Variants in SDK2 observed in about 807,000 individuals in gnomAD.
SDK2 encodes the protein protein sidekick-2.
Under a neutral mutation model 253.9 loss-of-function variants are expected in SDK2, and 105 were observed. The ratio of observed to expected loss-of-function variants is 0.41; its 90% CI spans 0.35 to 0.49. The LOEUF (loss-of-function observed/expected upper bound fraction) is 0.49, where lower values mean the gene tolerates loss of function less well. Ranked by LOEUF, SDK2 falls within the 20% of genes least tolerant of loss-of-function variation. The pLI is 0.06. For synonymous variants in SDK2, 1,249 were observed against 1,234.9 expected (o/e 1.01, Z -0.24); for missense variants, 2,608 against 3,003.0 (o/e 0.87, Z 3.07).
Position 73,372,112 on chromosome 17 carries a change from G to A in SDK2, c.4981-3519C>T, listed in dbSNP as rs188220890. Among the ~76,000 whole-genome samples the A allele has an allele frequency of 4.7e-3, 710 of 152,310 alleles. 23 individuals are homozygous for A. The South Asian group carries it at 0.089, about 19-fold the overall frequency. ...CATGCTCTTGGGTGAGGAGTGGGTC[G>A]GGGCCTAGAACCCAGGGACAGCTGT... On this transcript the variant is annotated intron_variant, in intron 36 of 44. Transcript: ENST00000392650.
At chr17:73,513,979 CG>C (rs2064002078) in intron 1 of SDK2, among the ~76,000 whole-genome samples, 1 of 152,062 alleles carries the variant, frequency 6.6e-6, no homozygotes, top group South Asian at 2.1e-4. Flanking sequence ...TCTGGGTGCC[CG>C]GGGACTTGGG....
intron 1 of SDK2, among the ~76,000 whole-genome samples, chr17:73,622,573 A>C (rs1341262534): frequency 6.6e-6 from 1 of 152,206 alleles, no homozygotes; most frequent in Non-Finnish European, 1.5e-5. Flanking sequence ...TGGCTGGTGC[A>C]GAGGTGGAAA....
chr17:73,385,552 C>G (rs1056062654), intron 32 of SDK2, among the ~76,000 whole-genome samples: 1 of 152,152 alleles, frequency 6.6e-6, no homozygotes, highest in Admixed American at 6.5e-5. Context: ...TGGGGCCATT[C>G]GGGTCCCCTC....
In SDK2 at chr17:73,397,984, T is replaced by C. The variant is rs374187616; in HGVS notation, c.3354+51A>G. ...CTGATGTGCACCTTCTAGGAGGCAATGACCAGAAGCTCATGGAGAGGTCCC... is the reference window on the plus strand; with the variant it reads ...CTGATGTGCACCTTCTAGGAGGCAACGACCAGAAGCTCATGGAGAGGTCCC... On this transcript the variant is annotated intron_variant, in intron 24 of 44. Coordinates refer to ENST00000392650, the MANE Select transcript of SDK2 (RefSeq NM_001144952.2). 13 of 1,593,276 alleles carry C rather than the reference T, an allele frequency of 8.2e-6. No homozygotes were observed. In the East Asian group the frequency reaches 2.5e-4, roughly 30 times the overall value.
At chr17:73,350,109 G>T in intron 43 of SDK2, 128 bp downstream of exon 43, 3 of 583,320 alleles carry the variant, frequency 5.1e-6, no homozygotes, top group South Asian at 6.9e-5. Context: ...CAGCCCTGGG[G>T]CTTGAATGGT....
In SDK2 at chr17:73,361,974, G is replaced by T; in HGVS notation, c.5306-129C>A. The T allele has an allele frequency of 1.2e-6, 1 of 811,364 alleles. No homozygotes were observed. Among genetic ancestry groups the T allele is most frequent in the Non-Finnish European group, 1.9e-6 (1 of 530,750 alleles). The allele number at this position is 811,364 out of a possible 1,614,324, so 50.3% of individuals were successfully genotyped here. A position where few individuals can be genotyped will look rare whatever the true frequency, so the allele number is the denominator to read the frequency against. ...GTAGGGGCCTCACTCCTTGAGGTCAGGCTGAAATGCACCCCCAGCCCACAC... is the reference window on the plus strand; with the variant it reads ...GTAGGGGCCTCACTCCTTGAGGTCATGCTGAAATGCACCCCCAGCCCACAC... On this transcript the variant is annotated intron_variant, in intron 38 of 44. Coordinates refer to ENST00000392650, the MANE Select transcript of SDK2 (RefSeq NM_001144952.2). This position sits in a 1 kb window ranked among gnomAD's most constrained non-coding sequence, Gnocchi z 4.1.
intron 36 of SDK2, among the ~76,000 whole-genome samples, chr17:73,373,452 T>A (rs1568370402): frequency 1.3e-5 from 2 of 152,224 alleles, no homozygotes; most frequent in Non-Finnish European, 2.9e-5. Flanking sequence ...TTATCCATAA[T>A]GGCTGTACTG....
At chr17:73,475,022 G>A (rs2063676623) in intron 2 of SDK2, among the ~76,000 whole-genome samples, 1 of 152,138 alleles carries the variant, frequency 6.6e-6, no homozygotes. Flanking sequence ...TGAGGGGGAG[G>A]GGAAAGTATA....
At chr17:73,564,130 T>C (rs564542808) in intron 1 of SDK2, among the ~76,000 whole-genome samples, 12 of 152,348 alleles carry the variant, frequency 7.9e-5, no homozygotes, top group South Asian at 6.2e-4. Flanking sequence ...CGTTTTTCTG[T>C]AAATTCACAC....
chr17:73,402,286 T>A lies in SDK2; in HGVS notation c.2485-145A>T, dbSNP rs2145530370. The A allele has an allele frequency of 1.6e-5, 13 of 826,004 alleles. 1 individual carries two copies. The South Asian group carries it at 2.3e-4, about 15-fold the overall frequency. The allele number at this position is 826,004 out of a possible 1,614,324, so 51.2% of individuals were successfully genotyped here. A position where few individuals can be genotyped will look rare whatever the true frequency, so the allele number is the denominator to read the frequency against. On this transcript the variant is annotated intron_variant, in intron 18 of 44. Transcript: ENST00000392650. ...CTCCTCCGAGGGAAGGGACAGGCAG[T>A]GCAGGGAACCTGCGGGGTACTGGGG...
At chr17:73,602,024 G>A (rs894338943) in intron 1 of SDK2, among the ~76,000 whole-genome samples, 2 of 152,206 alleles carry the variant, frequency 1.3e-5, no homozygotes, top group African/African-American at 2.4e-5. Flanking sequence ...GATTACAGGC[G>A]TGAGCCGCCG....
rs1281957255 is a variant in SDK2, at chr17:73,440,903, G to A, written c.634C>T (p.Pro212Ser). The A allele has an allele frequency of 2.6e-6, 4 of 1,551,328 alleles. No individual in the cohort carries two copies. Among genetic ancestry groups the A allele is most frequent in the Admixed American group, 3.9e-5 (2 of 50,982 alleles). ...GGGATGATGATGGTGGGTGCGATGGGGTCTGCAGGCCCCCCTACATCTGGA... is the reference window on the plus strand; with the variant it reads ...GGGATGATGATGGTGGGTGCGATGGAGTCTGCAGGCCCCCCTACATCTGGA... Reference protein sequence around the residue: ...TVENVGGPADPIAPTIIIPPK... With the variant: ...TVENVGGPADSIAPTIIIPPK... The change falls in exon 6 of 45, where the codon CCC (proline) becomes TCC (serine). Residue 212 changes from proline to serine, a missense_variant. Pro to Ser is a moderately conservative substitution (Grantham distance 74). This residue lies in a region of SDK2 where 1,505 missense variants were observed against 1,859.1 expected (regional missense o/e 0.81). Transcript: ENST00000392650.
chr17:73,498,687 G>A (rs1368049058), intron 2 of SDK2, among the ~76,000 whole-genome samples: 1 of 152,226 alleles, frequency 6.6e-6, no homozygotes, highest in Non-Finnish European at 1.5e-5. Flanking sequence ...TATAGGAGTT[G>A]CTGATGTTAA....
chr17:73,595,496 T>C (rs1028166286), intron 1 of SDK2, among the ~76,000 whole-genome samples: 1 of 152,098 alleles, frequency 6.6e-6, no homozygotes, highest in Non-Finnish European at 1.5e-5. Flanking sequence ...GTCTGGGCCC[T>C]GGAGGGGACC....
intron 2 of SDK2, among the ~76,000 whole-genome samples, chr17:73,483,794 C>T (rs539357078): frequency 2.0e-5 from 3 of 147,072 alleles, no homozygotes; most frequent in South Asian, 2.2e-4. Flanking sequence ...CCACCTGCCT[C>T]GGTCTCCCAA....
chr17:73,365,889 G>A (rs979128094), intron 37 of SDK2, among the ~76,000 whole-genome samples: 3 of 152,172 alleles, frequency 2.0e-5, no homozygotes, highest in African/African-American at 7.2e-5. Context: ...GGGCTCCAGG[G>A]CTTGTCACAG....
rs2062400307 is a variant in SDK2, at chr17:73,338,438, T to C, written c.*149A>G. The C allele has an allele frequency of 2.8e-6, 2 of 706,230 alleles. No individual in the cohort carries two copies. Among genetic ancestry groups the C allele is most frequent in the Non-Finnish European group, 5.1e-6 (2 of 392,492 alleles). The allele number at this position is 706,230 out of a possible 1,614,324, so 43.7% of individuals were successfully genotyped here. ...TCTCCCTCCTTCTGAACGCCGGCTT[T>C]GCTGGCCCTGGAATCTCTGGAAAAA... is the stretch of plus-strand genomic sequence containing the variant. On this transcript the variant is annotated 3_prime_UTR_variant, in exon 45 of 45. Transcript: ENST00000392650. This position sits in a 1 kb window ranked among gnomAD's most constrained non-coding sequence, Gnocchi z 5.0.
rs745336235 is a variant in SDK2, at chr17:73,390,407, G to A, written c.4072C>T (p.Arg1358Trp). ...ATVEVLAPSA[R>W]QYTATGLKPE... ...TTGAGGCCCGTGGCTGTGTACTGCC[G>A]GGCGCTGGGTGCCAGCACCTCCACA... Residue 1358 changes from arginine (R) to tryptophan (W), a missense_variant, in exon 29 of 45, where the codon CGG (arginine) becomes TGG (tryptophan). By Grantham distance (101) the Arg-to-Trp change is moderately radical. Around this residue, in one of 2 missense-constraint regions of SDK2, gnomAD observed 1,103 missense variants for 1,143.9 expected, o/e 0.96. Transcript: ENST00000392650. The A allele has an allele frequency of 5.0e-6, 8 of 1,612,624 alleles. No individual in the cohort carries two copies. Among genetic ancestry groups the A allele is most frequent in the Middle Eastern group, 1.6e-4 (1 of 6,082 alleles).
intron 1 of SDK2, among the ~76,000 whole-genome samples, chr17:73,637,449 G>A (rs926015541): frequency 6.6e-6 from 1 of 152,198 alleles, no homozygotes; most frequent in African/African-American, 2.4e-5. Flanking sequence ...CGTGTTCTCG[G>A]CTCACTGCAG....
Sources: gnomAD v4.1 joint callset for allele counts (sites outside exome capture counted in the v4.1 genomes callset) on GRCh38, gnomAD v4.1.1 for gene constraint, gnomAD v4.1.1 regional missense constraint, Gnocchi (gnomAD v3.1) non-coding constraint, MANE v1.5 for transcripts, NCBI Gene and HGNC (gene_info 2026-07-23, HGNC 2026-07-21) for gene names.